TRAPPC9: variants seen among roughly 807,000 people sequenced by gnomAD.
TRAPPC9 encodes the protein trafficking protein particle complex subunit 9.
TRAPPC9 carries 83 observed loss-of-function variants against 124.0 expected under a neutral mutation model. The ratio of observed to expected loss-of-function variants is 0.67; its 90% CI spans 0.56 to 0.80. The LOEUF (loss-of-function observed/expected upper bound fraction) is 0.80. Ranked by LOEUF, TRAPPC9 falls within the 30% of genes least tolerant of loss-of-function variation. TRAPPC9 has a pLI of 0.00. For synonymous variants in TRAPPC9, 638 were observed against 617.5 expected, an observed-to-expected ratio of 1.03 and a Z score of -0.49; for missense variants, 1,302 against 1,508.3, an observed-to-expected ratio of 0.86 and a Z score of 2.27.
At chr8:140,392,762 C>T (rs1177958269) in intron 7 of TRAPPC9, among the ~76,000 whole-genome samples, 1 of 152,126 alleles carries the variant, frequency 6.6e-6, no homozygotes, top group Non-Finnish European at 1.5e-5. Flanking sequence ...TCCTCCTCTA[C>T]AAACAAGAAT....
chr8:140,152,355 CTTTT>C (rs34124150), intron 17 of TRAPPC9, among the ~76,000 whole-genome samples: 2 of 93,878 alleles, frequency 2.1e-5, no homozygotes, highest in African/African-American at 9.0e-5. Context: ...ATATTGCCAT[CTTTT>C]TTTTTTTTTT....
intron 21 of TRAPPC9, among the ~76,000 whole-genome samples, chr8:139,793,443 C>A (rs1049416486): frequency 6.6e-6 from 1 of 152,200 alleles, no homozygotes; most frequent in Non-Finnish European, 1.5e-5. Flanking sequence ...TTCAAGGAAA[C>A]CTTCTCCAGC....
chr8:140,157,999 T>C (rs2061684370), intron 17 of TRAPPC9, among the ~76,000 whole-genome samples: 1 of 152,258 alleles, frequency 6.6e-6, no homozygotes, highest in Non-Finnish European at 1.5e-5. Flanking sequence ...AATGGTCATA[T>C]GTCATAATTT....
intron 9 of TRAPPC9, among the ~76,000 whole-genome samples, chr8:140,346,384 C>T (rs751155140): frequency 3.3e-5 from 5 of 152,156 alleles, no homozygotes; most frequent in African/African-American, 7.2e-5. Context: ...GTAAAGGGAG[C>T]GGCTGCTCCT....
upstream of TRAPPC9, chr8:140,458,527 C>T: frequency 3.8e-6 from 6 of 1,583,340 alleles, no homozygotes; most frequent in Non-Finnish European, 5.1e-6. Context: ...CGGCTTCCCC[C>T]TGTGTGGCGC....
rs745554455 is a variant in TRAPPC9, at chr8:140,024,089, A to AT, written c.2557-11dup. On this transcript the variant is annotated splice_polypyrimidine_tract_variant and intron_variant, in intron 17 of 22. Transcript: ENST00000438773. ...GGACAGCTTCCAGGGTCTAAAAGAT[A>AT]TTAAAAAAAAAAATACACACACACA... 2.0e-4 allele frequency: 322 copies of AT among 1,587,104 alleles called. No individual in the cohort carries two copies. Among genetic ancestry groups the AT allele is most frequent in the East Asian group, 4.0e-4 (18 of 44,482 alleles).
At position 139,728,309 on chromosome 8, in the gene TRAPPC9, G is replaced by A. The variant is rs1817652552; in HGVS notation, c.*2752C>T. On this transcript the variant is annotated 3_prime_UTR_variant, in exon 23 of 23. Transcript: ENST00000438773. ...CCCTGAGGGACCAAGGATCAGAAGG[G>A]CAGAACCAACTCGCTCAGCTAGTGA... Among the ~76,000 whole-genome samples the A allele has an allele frequency of 6.6e-6, 1 of 152,180 alleles. No individual in the cohort carries two copies. The highest frequency in any genetic ancestry group is 1.5e-5 in the Non-Finnish European group (1 of 68,048).
At position 140,370,942 on chromosome 8, in the gene TRAPPC9, G is replaced by A. The variant is rs772081138; in HGVS notation, c.1351+22C>T. 77 of 1,612,030 alleles carry A rather than the reference G, an allele frequency of 4.8e-5. No homozygotes were observed. In the Admixed American group the frequency reaches 5.0e-4, roughly 10 times the overall value. ...ATCAGACAGAAAGCAACACCTTAGC[G>A]CCAGCAAGGGGACTCCAGTACCTCT... On this transcript the variant is annotated intron_variant, in intron 8 of 22. Coordinates refer to ENST00000438773, the MANE Select transcript of TRAPPC9 (RefSeq NM_001160372.4).
intron 17 of TRAPPC9, among the ~76,000 whole-genome samples, chr8:140,163,404 G>A (rs546209589): frequency 3.3e-5 from 5 of 152,322 alleles, no homozygotes; most frequent in East Asian, 1.9e-4. Flanking sequence ...AGTAGCTGCC[G>A]GACATGGAGC....
chr8:140,259,286 T>C (rs561702047), intron 15 of TRAPPC9, among the ~76,000 whole-genome samples: 26 of 152,300 alleles, frequency 1.7e-4, no homozygotes, highest in African/African-American at 6.0e-4. Flanking sequence ...TGCCTTCCCA[T>C]CCCACATCAC....
intron 7 of TRAPPC9, among the ~76,000 whole-genome samples, chr8:140,381,374 C>T (rs1007136964): frequency 6.6e-6 from 1 of 152,000 alleles, no homozygotes; most frequent in East Asian, 1.9e-4. Context: ...CAATTTAAAA[C>T]TTGACAAAGA....
chr8:140,008,355 C>T (rs530889569), intron 18 of TRAPPC9: 1 of 147,738 alleles, frequency 6.8e-6, no homozygotes, highest in Non-Finnish European at 1.5e-5. Context: ...TTCGGTCTTC[C>T]TTGGGGAGCT....
intron 2 of TRAPPC9, among the ~76,000 whole-genome samples, chr8:140,443,239 TCCTGGC>T (rs1347670017): frequency 7.2e-6 from 1 of 139,402 alleles, no homozygotes; most frequent in African/African-American, 2.7e-5. Flanking sequence ...ATCGAGACCA[TCCTGGC>T]TAACATGATG....
intron 17 of TRAPPC9, among the ~76,000 whole-genome samples, chr8:140,195,399 CA>C (rs1318335954): frequency 6.6e-6 from 1 of 151,874 alleles, no homozygotes; most frequent in Non-Finnish European, 1.5e-5. Context: ...CTCAATGATC[CA>C]TTGTACAGAT....
chr8:139,965,276 T>C (rs1480260347), intron 19 of TRAPPC9, among the ~76,000 whole-genome samples: 2 of 152,226 alleles, frequency 1.3e-5, no homozygotes, highest in South Asian at 2.1e-4. Flanking sequence ...TCCTGTGTTT[T>C]CTGAAATGTG....
chr8:139,932,746 AGAAT>A (rs1471874832), intron 19 of TRAPPC9: 2 of 353,058 alleles, frequency 5.7e-6, no homozygotes, highest in East Asian at 1.5e-4. Flanking sequence ...CCTGGGCAAC[AGAAT>A]GAGACTGTGT....
intron 18 of TRAPPC9, among the ~76,000 whole-genome samples, chr8:139,991,815 C>G (rs1837672175): frequency 6.6e-6 from 1 of 152,026 alleles, no homozygotes; most frequent in Admixed American, 6.6e-5. Flanking sequence ...AAAATAAGCC[C>G]TTTTTCAGCA....
At chr8:140,371,295 T>C in intron 7 of TRAPPC9, 115 bp from the exon 8 acceptor site, 1 of 1,153,498 alleles carries the variant, frequency 8.7e-7, no homozygotes, top group Non-Finnish European at 1.2e-6. Context: ...TCGAGGAGAA[T>C]CAAGGAGAGG....
chr8:140,282,991 A>G (rs1186940209), intron 14 of TRAPPC9, among the ~76,000 whole-genome samples: 1 of 152,114 alleles, frequency 6.6e-6, no homozygotes, highest in Non-Finnish European at 1.5e-5. Flanking sequence ...TAATCCCAGC[A>G]CTTTGGGAGG....
Sources: allele counts gnomAD v4.1 joint callset (sites outside exome capture counted in the v4.1 genomes callset), GRCh38; gene constraint gnomAD v4.1.1; transcripts MANE v1.5; gene names NCBI Gene and HGNC (gene_info 2026-07-23, HGNC 2026-07-21).